The following RGS6 variants were observed in gnomAD, a reference collection of about 807,000 sequenced individuals.
The protein encoded by RGS6 is regulator of G protein signaling 6.
In RGS6, 30 loss-of-function variants were observed where a neutral mutation model predicts 78.5. The ratio of observed to expected loss-of-function variants is 0.38; its 90% CI spans 0.29 to 0.52. RGS6 has a LOEUF of 0.52. Ranked by LOEUF, RGS6 falls within the 20% of genes least tolerant of loss-of-function variation. The pLI is 0.85. For missense variants in RGS6, 495 were observed against 609.7 expected (o/e 0.81, Z 1.98); for synonymous variants, 206 against 206.0 (o/e 1.00, Z 0.00).
intron 2 of RGS6, among the ~76,000 whole-genome samples, chr14:72,168,950 T>TACTTCTGGGTTTTGCCC (rs2096969373): frequency 6.6e-6 from 1 of 152,254 alleles, no homozygotes; most frequent in Admixed American, 6.5e-5. Context: ...CTCCTTTGCC[T>TACTTCTGGGTTTTGCCC]ACTTCTGGGT....
At chr14:71,921,588 A>T in the RGS6 span, among the ~76,000 whole-genome samples, 3 of 152,378 alleles carry the variant, frequency 2.0e-5, no homozygotes, top group East Asian at 5.8e-4. Context: ...GGCAGACATT[A>T]TATTAAATGA....
chr14:72,395,827 C>T (rs1041380939), intron 3 of RGS6, among the ~76,000 whole-genome samples: 1 of 152,066 alleles, frequency 6.6e-6, no homozygotes, highest in Non-Finnish European at 1.5e-5. Flanking sequence ...ATGATGGTTT[C>T]CAGCTTCATC....
At chr14:72,396,156 A>G (rs1021748396) in intron 3 of RGS6, among the ~76,000 whole-genome samples, 5 of 152,204 alleles carry the variant, frequency 3.3e-5, no homozygotes, top group African/African-American at 1.2e-4. Flanking sequence ...CCAACAGTGT[A>G]AAAGCATTCC....
At chr14:72,059,728 C>A (rs984358101) in intron 2 of RGS6, among the ~76,000 whole-genome samples, 4 of 152,082 alleles carry the variant, frequency 2.6e-5, no homozygotes, top group African/African-American at 9.7e-5. Flanking sequence ...GATGGTGGGA[C>A]CCTCTTGATG....
chr14:71,899,937 C>T, the RGS6 span, among the ~76,000 whole-genome samples: 1 of 152,212 alleles, frequency 6.6e-6, no homozygotes, highest in South Asian at 2.1e-4. Flanking sequence ...TTTAAGGATG[C>T]AGTCTCCTCT....
At chr14:72,555,496 C>G (rs890419787) in intron 17 of RGS6, among the ~76,000 whole-genome samples, 1 of 152,266 alleles carries the variant, frequency 6.6e-6, no homozygotes, top group Non-Finnish European at 1.5e-5. Context: ...AAGTTCTTTT[C>G]TCAGGGAAGT....
chr14:71,993,296 C>T (rs17768361), intron 2 of RGS6, among the ~76,000 whole-genome samples: 49,051 of 151,130 alleles, frequency 0.32, 8,460 homozygotes, highest in South Asian at 0.39. Flanking sequence ...ATGAACAGCG[C>T]ACACTTTGAC....
intron 2 of RGS6, among the ~76,000 whole-genome samples, chr14:72,313,019 G>C (rs2069037052): frequency 6.6e-6 from 1 of 152,174 alleles, no homozygotes; most frequent in Admixed American, 6.5e-5. Flanking sequence ...GAATGACCTT[G>C]CAGTGGGAAT....
At chr14:72,456,199 G>C (rs541484446) in intron 4 of RGS6, among the ~76,000 whole-genome samples, 58 of 152,286 alleles carry the variant, frequency 3.8e-4, no homozygotes, top group Admixed American at 2.5e-3. Context: ...ATAGTCTAAG[G>C]GGGGAGATGA....
chr14:72,451,510 G>A (rs1040592821), intron 3 of RGS6, among the ~76,000 whole-genome samples: 3 of 151,988 alleles, frequency 2.0e-5, no homozygotes, highest in East Asian at 1.9e-4. Flanking sequence ...TGGGGGGAGC[G>A]GATATGATAG....
chr14:72,519,363 T>C (rs1464354160), intron 15 of RGS6, among the ~76,000 whole-genome samples: 2 of 152,196 alleles, frequency 1.3e-5, no homozygotes, highest in African/African-American at 4.8e-5. Context: ...GTGACAGGGC[T>C]TAAGATTTTG....
chr14:72,506,984 T>TAAA lies in RGS6; in HGVS notation c.966-3137_966-3135dup, dbSNP rs71109738. On this transcript the variant is annotated intron_variant, in intron 13 of 17. Coordinates refer to ENST00000553525, the MANE Select transcript of RGS6 (RefSeq NM_001204424.2). ...TAACACGGTGAAACCCTGTCTCTAC[T>TAAA]AAAAAAAAAAAAAAAAAAAAAAAAA... 4.0e-3 allele frequency among the ~76,000 whole-genome samples: 219 copies of TAAA among 54,346 alleles called. 11 individuals carry two copies. Among genetic ancestry groups the TAAA allele is most frequent in the South Asian group, 7.8e-3 (7 of 898 alleles). The allele number at this position is 54,346 out of a possible 152,430, so 35.7% of individuals were successfully genotyped here.
At chr14:72,472,813 G>A in intron 8 of RGS6, 59 bp from the exon 9 acceptor site, 1 of 1,294,778 alleles carries the variant, frequency 7.7e-7, no homozygotes, top group South Asian at 1.3e-5. Context: ...TGGAGCAAGT[G>A]TCAGAAGGGA....
intron 1 of RGS6, among the ~76,000 whole-genome samples, chr14:71,943,139 C>T (rs192058879): frequency 6.6e-6 from 1 of 152,278 alleles, no homozygotes; most frequent in East Asian, 1.9e-4. Context: ...ACCTGTGTTG[C>T]TCTCATGAAG....
chr14:72,318,037 C>T (rs1043994284), intron 2 of RGS6, among the ~76,000 whole-genome samples: 2 of 152,128 alleles, frequency 1.3e-5, no homozygotes, highest in African/African-American at 4.8e-5. Context: ...TATCTTATAA[C>T]CAAACCCAAG....
At chr14:72,330,369 G>A (rs111591458) in intron 2 of RGS6, among the ~76,000 whole-genome samples, 1 of 152,182 alleles carries the variant, frequency 6.6e-6, no homozygotes, top group Non-Finnish European at 1.5e-5. Context: ...TCTGTCATTT[G>A]GGTGGACCTC....
chr14:71,875,640 C>T, the RGS6 span, among the ~76,000 whole-genome samples: 1 of 152,034 alleles, frequency 6.6e-6, no homozygotes, highest in East Asian at 1.9e-4. Flanking sequence ...GTGTCTCTAT[C>T]TCCTTCAGTT....
chr14:72,541,605 G>C lies in RGS6; in HGVS notation c.1422+1511G>C, dbSNP rs976894860. 31 of 1,535,530 alleles carry C rather than the reference G, an allele frequency of 2.0e-5. No homozygotes were observed. The Admixed American group carries it at 4.7e-4, about 23-fold the overall frequency. ...GCTTCTGGGACTTCCTTCACTCCAT[G>C]ATGGCCTGAGAGAAGGTAGTGGGAT... On this transcript the variant is annotated intron_variant, in intron 17 of 17. Coordinates refer to ENST00000553525, the MANE Select transcript of RGS6 (RefSeq NM_001204424.2).
At chr14:72,376,123 TAA>T (rs1429703129) in intron 3 of RGS6, among the ~76,000 whole-genome samples, 5 of 152,216 alleles carry the variant, frequency 3.3e-5, no homozygotes, top group South Asian at 2.1e-4. Context: ...ATGAAAACAA[TAA>T]GTCATTATTT....
Sources: allele counts gnomAD v4.1 joint callset (sites outside exome capture counted in the v4.1 genomes callset), GRCh38; gene constraint gnomAD v4.1.1; transcripts MANE v1.5; gene names NCBI Gene and HGNC (gene_info 2026-07-23, HGNC 2026-07-21).